Variants in SLC37A1 observed in about 807,000 individuals in gnomAD.
The protein encoded by SLC37A1 is glucose-6-phosphate exchanger SLC37A1.
In SLC37A1, 49 loss-of-function variants were observed where a neutral mutation model predicts 75.3. That is an observed-to-expected ratio of 0.65 (90% CI 0.52 to 0.83). The LOEUF (loss-of-function observed/expected upper bound fraction) is 0.83, where lower values mean the gene tolerates loss of function less well. SLC37A1 is among the 40% of genes least tolerant of loss of function. The pLI, the probability that SLC37A1 is intolerant of heterozygous loss-of-function variation, is 0.00. For missense variants in SLC37A1, 566 were observed against 695.0 expected (o/e 0.81, Z 2.09); for synonymous variants, 268 against 292.1 (o/e 0.92, Z 0.84).
At chr21:42,566,955 T>G in intron 15 of SLC37A1, 30 bp from the exon 16 acceptor site, 1 of 1,597,352 alleles carries the variant, frequency 6.3e-7, no homozygotes, top group Non-Finnish European at 8.5e-7. Context: ...GAGGGCACAT[T>G]TCCATTCTTT....
intron 11 of SLC37A1, among the ~76,000 whole-genome samples, chr21:42,561,099 CACGTACA>C (rs1425861955): frequency 1.3e-5 from 2 of 152,216 alleles, no homozygotes; most frequent in Non-Finnish European, 2.9e-5. Context: ...CGGTAAATTA[CACGTACA>C]CATCCTCATC....
At chr21:42,565,795 A>T (rs771252056) in intron 14 of SLC37A1, 32 bp from the exon 15 acceptor site, 2 of 1,607,026 alleles carry the variant, frequency 1.2e-6, no homozygotes, top group Admixed American at 3.4e-5. Flanking sequence ...GCAGCCAGCC[A>T]TGGCTTTGAC....
intron 2 of SLC37A1, among the ~76,000 whole-genome samples, chr21:42,507,229 A>C (rs2054391797): frequency 6.6e-6 from 1 of 152,196 alleles, no homozygotes; most frequent in African/African-American, 2.4e-5. Flanking sequence ...TTTTTAGAAA[A>C]GATTTAAGAT....
intron 17 of SLC37A1, among the ~76,000 whole-genome samples, chr21:42,569,546 TCG>T (rs1186123333): frequency 2.8e-4 from 6 of 21,618 alleles, no homozygotes; most frequent in Admixed American, 1.0e-3. Context: ...CCGCACTCCC[TCG>T]TGCCGCACTC....
intron 2 of SLC37A1, among the ~76,000 whole-genome samples, chr21:42,503,651 C>A (rs2054360654): frequency 6.6e-6 from 1 of 152,164 alleles, no homozygotes; most frequent in Non-Finnish European, 1.5e-5. Context: ...GCTCTGGGTA[C>A]TGTTGCTGTC....
chr21:42,506,116 A>G lies in SLC37A1; in HGVS notation c.-179+3699A>G, dbSNP rs145674674. Among the ~76,000 whole-genome samples, 232 of 152,336 alleles carry G rather than the reference A, an allele frequency of 1.5e-3. 2 individuals are homozygous for G. Among genetic ancestry groups the G allele is most frequent in the African/African-American group, 5.2e-3 (218 of 41,570 alleles). On this transcript the variant is annotated intron_variant, in intron 2 of 20. Coordinates refer to the SLC37A1 transcript ENST00000398341. ...GTACTGGCATCGCAGGCCTCGTTCAATGTTGATACTCTTGAATTTAAAGTG... is the reference window on the plus strand; with the variant it reads ...GTACTGGCATCGCAGGCCTCGTTCAGTGTTGATACTCTTGAATTTAAAGTG...
intron 1 of SLC37A1, among the ~76,000 whole-genome samples, chr21:42,501,972 C>T (rs1471979730): frequency 6.6e-6 from 1 of 152,136 alleles, no homozygotes; most frequent in Non-Finnish European, 1.5e-5. Context: ...TGCTGAACCA[C>T]GTGTCCATGA....
At chr21:42,540,301 T>C (rs2055244510) in intron 6 of SLC37A1, among the ~76,000 whole-genome samples, 1 of 152,232 alleles carries the variant, frequency 6.6e-6, no homozygotes, top group Middle Eastern at 3.2e-3. Context: ...AGGGTTAGTT[T>C]CTTTCCATGT....
At chr21:42,529,679 G>A (rs1451705865) in intron 3 of SLC37A1, among the ~76,000 whole-genome samples, 3 of 152,284 alleles carry the variant, frequency 2.0e-5, no homozygotes, top group East Asian at 3.9e-4. Flanking sequence ...AAGAAACAAC[G>A]GGCAAGGGGG....
In SLC37A1 at chr21:42,558,993, G is replaced by A; in HGVS notation, c.885G>A (p.Gly295=). Residue 295 remains glycine (G), a synonymous_variant, in exon 11 of 20, where the codon GGG becomes GGA. Coordinates refer to ENST00000352133, the MANE Select transcript of SLC37A1 (RefSeq NM_001320537.2). ...PEMQCLLLSD[G]KGSIHPNHVV... ...TGCAGTGCCTGCTGCTCTCAGATGG[G>A]AAGGGCTCCATCCACCCGAACCACG... is the stretch of plus-strand genomic sequence containing the variant. 5.0e-6 allele frequency: 8 copies of A among 1,613,814 alleles called. No homozygotes were observed. The highest frequency in any genetic ancestry group is 6.8e-6 in the Non-Finnish European group (8 of 1,179,906).
chr21:42,513,213 C>G (rs1414966002), upstream of SLC37A1, among the ~76,000 whole-genome samples: 2 of 151,976 alleles, frequency 1.3e-5, no homozygotes, highest in Admixed American at 6.5e-5. Context: ...AGAGTTGTTT[C>G]TGGGGTGACG....
intron 3 of SLC37A1, among the ~76,000 whole-genome samples, chr21:42,533,795 C>T (rs1331058178): frequency 3.3e-5 from 5 of 152,130 alleles, no homozygotes; most frequent in East Asian, 3.8e-4. Flanking sequence ...AGGGGGAGAC[C>T]GAGGCAGGGG....
At chr21:42,533,099 G>C (rs1019803878) in intron 3 of SLC37A1, among the ~76,000 whole-genome samples, 9 of 150,436 alleles carry the variant, frequency 6.0e-5, no homozygotes, top group South Asian at 4.1e-4. Flanking sequence ...TCCTGAAGAG[G>C]GGGGGCAGGA....
intron 3 of SLC37A1, among the ~76,000 whole-genome samples, chr21:42,532,808 G>A (rs908091526): frequency 3.9e-5 from 6 of 152,212 alleles, no homozygotes; most frequent in African/African-American, 1.2e-4. Context: ...TCAGCATGGC[G>A]CCTCCAGGGA....
At chr21:42,527,533 G>A (rs548980884) in intron 3 of SLC37A1, among the ~76,000 whole-genome samples, 5 of 152,166 alleles carry the variant, frequency 3.3e-5, no homozygotes, top group African/African-American at 9.6e-5. Flanking sequence ...AGAGCCCTGG[G>A]GTATGACAAA....
chr21:42,535,370 C>T (rs907205648), intron 4 of SLC37A1, 102 bp from the exon 5 acceptor site: 16 of 984,768 alleles, frequency 1.6e-5, no homozygotes, highest in Non-Finnish European at 2.4e-5. Flanking sequence ...TCACTAAGTA[C>T]ACCCCGATTT....
intron 2 of SLC37A1, among the ~76,000 whole-genome samples, chr21:42,508,146 T>TTTTAGG: frequency 8.5e-6 from 1 of 118,074 alleles, no homozygotes. Flanking sequence ...TTTTTTTTTT[T>TTTTAGG]GAGGCGGAGT....
chr21:42,518,060 C>T (rs186515378), intron 1 of SLC37A1, among the ~76,000 whole-genome samples: 21 of 152,316 alleles, frequency 1.4e-4, no homozygotes, highest in African/African-American at 5.1e-4. Flanking sequence ...AAATTCATTT[C>T]CAGGTTCTCA....
At chr21:42,516,352 C>T (rs1356954140) in intron 1 of SLC37A1, among the ~76,000 whole-genome samples, 1 of 152,164 alleles carries the variant, frequency 6.6e-6, no homozygotes, top group Non-Finnish European at 1.5e-5. Context: ...CCCAGGCGAG[C>T]CGCCTAGCCT....
Sources: gnomAD v4.1 joint callset for allele counts (sites outside exome capture counted in the v4.1 genomes callset) on GRCh38, gnomAD v4.1.1 for gene constraint, MANE v1.5 for transcripts, NCBI Gene and HGNC (gene_info 2026-07-23, HGNC 2026-07-21) for gene names.